NXPH1: variants seen among roughly 807,000 people sequenced by gnomAD.
NXPH1 encodes the protein neurexophilin 1, also known as neurexophilin-1.
Under a neutral mutation model 23.7 loss-of-function variants are expected in NXPH1, and 5 were observed. That is an observed-to-expected ratio of 0.21 (90% CI 0.11 to 0.44). The LOEUF is 0.44. Ranked by LOEUF, NXPH1 falls within the 20% of genes least tolerant of loss-of-function variation. NXPH1 has a pLI of 0.99. For synonymous variants in NXPH1, 144 were observed against 122.2 expected, an observed-to-expected ratio of 1.18 and a Z score of -1.18; for missense variants, 324 against 321.6, an observed-to-expected ratio of 1.01 and a Z score of -0.06.
intron 2 of NXPH1, among the ~76,000 whole-genome samples, chr7:8,455,856 C>A (rs969763129): frequency 2.6e-5 from 4 of 152,140 alleles, no homozygotes; most frequent in Admixed American, 6.5e-5. Context: ...TTGTTCAAAC[C>A]AAATATGAGA....
At chr7:8,599,947 A>G (rs10229681) in intron 2 of NXPH1, among the ~76,000 whole-genome samples, 433 of 152,064 alleles carry the variant, frequency 2.8e-3, no homozygotes, top group African/African-American at 1.0e-2. Context: ...TTAATTTTGG[A>G]GGAAGAGCTT....
intron 2 of NXPH1, among the ~76,000 whole-genome samples, chr7:8,549,375 C>T (rs780089841): frequency 6.6e-6 from 1 of 151,534 alleles, no homozygotes; most frequent in Non-Finnish European, 1.5e-5. Context: ...CAGATATTAA[C>T]ACATGCACCA....
At chr7:8,676,643 T>C (rs1820957678) in intron 2 of NXPH1, among the ~76,000 whole-genome samples, 1 of 152,202 alleles carries the variant, frequency 6.6e-6, no homozygotes, top group Admixed American at 6.5e-5. Flanking sequence ...GATGTGCTTA[T>C]TTATCAGTAT....
intron 2 of NXPH1, among the ~76,000 whole-genome samples, chr7:8,578,207 T>C (rs1818791455): frequency 6.6e-6 from 1 of 152,030 alleles, no homozygotes; most frequent in Non-Finnish European, 1.5e-5. Flanking sequence ...AGCTACTTGA[T>C]TTACAAAGGG....
intron 2 of NXPH1, among the ~76,000 whole-genome samples, chr7:8,644,680 A>C (rs115387446): frequency 6.6e-6 from 1 of 152,064 alleles, no homozygotes; most frequent in Non-Finnish European, 1.5e-5. Flanking sequence ...TTTTTTGTGA[A>C]TATAAAATAT....
chr7:8,749,060 A>T (rs1182101347), intron 2 of NXPH1, among the ~76,000 whole-genome samples: 1 of 152,134 alleles, frequency 6.6e-6, no homozygotes, highest in Non-Finnish European at 1.5e-5. Context: ...TTTTTTCCAC[A>T]TTCCAAGCAC....
chr7:8,468,324 T>G (rs1816817140), intron 2 of NXPH1, among the ~76,000 whole-genome samples: 1 of 152,086 alleles, frequency 6.6e-6, no homozygotes, highest in African/African-American at 2.4e-5. Context: ...TTTAGACAGT[T>G]GAAGGGGATT....
At chr7:8,556,075 C>T (rs1286730435) in intron 2 of NXPH1, among the ~76,000 whole-genome samples, 2 of 151,618 alleles carry the variant, frequency 1.3e-5, no homozygotes, top group Non-Finnish European at 3.0e-5. Flanking sequence ...GTCCTTCTTC[C>T]CTCCATCCAG....
chr7:8,627,919 A>G (rs1006718623), intron 2 of NXPH1, among the ~76,000 whole-genome samples: 4 of 152,098 alleles, frequency 2.6e-5, no homozygotes, highest in African/African-American at 9.7e-5. Flanking sequence ...GCACTTTGAG[A>G]TCTGTGGATA....
intron 2 of NXPH1, among the ~76,000 whole-genome samples, chr7:8,489,579 G>T (rs926274871): frequency 6.6e-6 from 1 of 152,024 alleles, no homozygotes; most frequent in Non-Finnish European, 1.5e-5. Context: ...CCTGGGCTGT[G>T]CAGACTGAAC....
In NXPH1 at chr7:8,470,406, T is replaced by G. The variant is rs377001530; in HGVS notation, c.54+34639T>G. ...GACGCCTGAATTTTTTGAAATAATT[T>G]TCCTACAAAGGGAAACATTTTGCTT... On this transcript the variant is annotated intron_variant, in intron 2 of 2. Transcript: ENST00000405863. Among the ~76,000 whole-genome samples, 7 of 152,316 alleles carry G rather than the reference T, an allele frequency of 4.6e-5. No homozygotes were observed. The East Asian group carries it at 1.3e-3, about 29-fold the overall frequency.
intron 2 of NXPH1, among the ~76,000 whole-genome samples, chr7:8,536,480 T>A (rs1181992972): frequency 6.6e-6 from 1 of 152,044 alleles, no homozygotes; most frequent in Non-Finnish European, 1.5e-5. Context: ...TGGCTCTTTT[T>A]GCTAGTAGTT....
intron 2 of NXPH1, among the ~76,000 whole-genome samples, chr7:8,489,805 T>C (rs1817218997): frequency 6.6e-6 from 1 of 152,178 alleles, no homozygotes; most frequent in East Asian, 1.9e-4. Flanking sequence ...ACCAACAAAT[T>C]CAAACCTGCT....
intron 2 of NXPH1, among the ~76,000 whole-genome samples, chr7:8,477,295 T>C (rs375119101): frequency 6.6e-6 from 1 of 152,228 alleles, no homozygotes; most frequent in Non-Finnish European, 1.5e-5. Context: ...TACTCTTACT[T>C]GTTCCCCTCC....
chr7:8,711,885 G>C (rs1779801825), intron 2 of NXPH1, among the ~76,000 whole-genome samples: 1 of 152,206 alleles, frequency 6.6e-6, no homozygotes, highest in Admixed American at 6.5e-5. Flanking sequence ...GGTTACAATA[G>C]GGAAGCTGGG....
chr7:8,706,498 T>C (rs546642618), intron 2 of NXPH1, among the ~76,000 whole-genome samples: 9 of 152,258 alleles, frequency 5.9e-5, no homozygotes, highest in Non-Finnish European at 1.0e-4. Flanking sequence ...CCGTTTGAAA[T>C]GGTCAGAGTG....
rs1398377889 is a variant in NXPH1 at position 8,649,182 on chromosome 7, C to T, written c.55-101826C>T. Among the ~76,000 whole-genome samples, 3 of 152,046 alleles carry T rather than the reference C, an allele frequency of 2.0e-5. No homozygotes were observed. In the South Asian group the frequency reaches 6.2e-4, roughly 31 times the overall value. ...AAAAAGATGAAAGTCTGTCTACATA[C>T]CATTTTCTTTTTACTGGAGAGTGAG... On this transcript the variant is annotated intron_variant, in intron 2 of 2. Coordinates refer to ENST00000405863, the MANE Select transcript of NXPH1 (RefSeq NM_152745.3).
chr7:8,481,619 C>A (rs7776833), intron 2 of NXPH1, among the ~76,000 whole-genome samples: 2 of 151,886 alleles, frequency 1.3e-5, no homozygotes, highest in Non-Finnish European at 2.9e-5. Flanking sequence ...ACCCTAAATA[C>A]CCACCAAAAT....
At chr7:8,714,182 C>T (rs984350418) in intron 2 of NXPH1, among the ~76,000 whole-genome samples, 1 of 152,128 alleles carries the variant, frequency 6.6e-6, no homozygotes, top group African/African-American at 2.4e-5. Context: ...CCTTCCCTTT[C>T]TCCTGGGAGA....
Sources: gnomAD v4.1 joint callset for allele counts (sites outside exome capture counted in the v4.1 genomes callset) on GRCh38, gnomAD v4.1.1 for gene constraint, MANE v1.5 for transcripts, NCBI Gene and HGNC (gene_info 2026-07-23, HGNC 2026-07-21) for gene names.